RUBCN: variants seen among roughly 807,000 people sequenced by gnomAD.
The protein encoded by RUBCN is run domain Beclin-1-interacting and cysteine-rich domain-containing protein.
A neutral mutation model predicts 113.2 loss-of-function variants in RUBCN; 74 were observed. The observed-to-expected ratio is 0.65, with a 90% CI of 0.54 to 0.79. The LOEUF (loss-of-function observed/expected upper bound fraction) is 0.79, where lower values mean the gene tolerates loss of function less well. RUBCN is among the 30% of genes least tolerant of loss of function. The pLI is 0.00. For synonymous variants in RUBCN, 480 were observed against 490.0 expected (o/e 0.98, Z 0.27); for missense variants, 1,109 against 1,251.7 (o/e 0.89, Z 1.72).
chr3:197,686,436 G>C (rs1721850143), intron 11 of RUBCN, among the ~76,000 whole-genome samples: 1 of 152,222 alleles, frequency 6.6e-6, no homozygotes, highest in Non-Finnish European at 1.5e-5. Context: ...GCAAGGCTCT[G>C]ACCCCGGACT....
At chr3:197,702,738 T>C (rs1005496341) in intron 5 of RUBCN, among the ~76,000 whole-genome samples, 4 of 152,120 alleles carry the variant, frequency 2.6e-5, no homozygotes, top group African/African-American at 9.7e-5. Context: ...CTCTAAGAAG[T>C]GGGGACTCTG....
rs768108966 is a variant in RUBCN, at chr3:197,705,143, G to A, written c.252C>T (p.Phe84=). ...ACRRQTDYWQ[F]VKDIRWLSPH... is the part of the protein sequence containing the mutation. The stretch of plus-strand genomic sequence containing the variant: ...GACTGAGCCACCGGATGTCTTTCAC[G>A]AACTGCCAGTAATCCGTCTGGCGGC... The change falls in exon 3 of 20, where the codon TTC becomes TTT. Residue 84 remains phenylalanine (F), a synonymous_variant. Coordinates refer to ENST00000296343, the MANE Select transcript of RUBCN (RefSeq NM_014687.4). 3.7e-6 allele frequency: 6 copies of A among 1,613,974 alleles called. No homozygotes were observed. The highest frequency in any genetic ancestry group is 2.2e-5 in the East Asian group (1 of 44,892).
At chr3:197,708,494 G>C (rs141707436) in intron 2 of RUBCN, among the ~76,000 whole-genome samples, 23 of 135,184 alleles carry the variant, frequency 1.7e-4, no homozygotes, top group African/African-American at 5.7e-4. Context: ...GGGTACACTT[G>C]TAATATATAC....
chr3:197,703,397 CAAAAAAAAAAAAAAAAAAAAA>C (rs1165064210), intron 5 of RUBCN, 130 bp downstream of exon 5: 2,471 of 155,882 alleles, frequency 0.016, 48 homozygotes, highest in Middle Eastern at 0.031. Flanking sequence ...GACTCTGTCT[CAAAAAAAAAAAAAAAAAAAAA>C]AAAAAAAAAA....
At chr3:197,738,807 G>C (rs1048606364), upstream of RUBCN, among the ~76,000 whole-genome samples, 2 of 151,714 alleles carry the variant, frequency 1.3e-5, no homozygotes, top group Non-Finnish European at 2.9e-5. Context: ...GCCTAAGCTG[G>C]TCTCAAATTC....
chr3:197,749,271 C>T (rs1347738377), exon 1 of RUBCN: 10 of 1,059,230 alleles, frequency 9.4e-6, no homozygotes. Context: ...GTACTTACCC[C>T]TCCCGAGGGA....
chr3:197,732,506 G>A lies in RUBCN; in HGVS notation c.65+4149C>T, dbSNP rs939231536. On this transcript the variant is annotated intron_variant, in intron 1 of 19. Coordinates refer to ENST00000296343, the MANE Select transcript of RUBCN (RefSeq NM_014687.4). ...TTTTTTGTATTTTTAGTAGAGACGG[G>A]GTTTCACTGTGTTAGCCAGGATGGT... is the stretch of plus-strand genomic sequence containing the variant. Among the ~76,000 whole-genome samples, 8 of 152,280 alleles carry A rather than the reference G, an allele frequency of 5.3e-5. No homozygotes were observed. The South Asian group carries it at 1.4e-3, about 28-fold the overall frequency.
chr3:197,747,033 C>G (rs1728776039), intron 1 of RUBCN, among the ~76,000 whole-genome samples: 1 of 152,044 alleles, frequency 6.6e-6, no homozygotes, highest in Admixed American at 6.5e-5. Flanking sequence ...GCAGGGTTGA[C>G]CTTTTAACCC....
At chr3:197,739,811 G>A (rs561533581), upstream of RUBCN, among the ~76,000 whole-genome samples, 3 of 152,330 alleles carry the variant, frequency 2.0e-5, no homozygotes, top group African/African-American at 7.2e-5. Flanking sequence ...CCAGGCAGGC[G>A]GGTCACTTGA....
rs568325945 is a variant in RUBCN, at chr3:197,725,142, G to C, written c.66-7012C>G. ...AAGGGCTTCGAAGTTGGAAGACTGT[G>C]GTCAGGCAAGTGTCCCTGGGACTTT... On this transcript the variant is annotated intron_variant, in intron 1 of 19. Coordinates refer to ENST00000296343, the MANE Select transcript of RUBCN (RefSeq NM_014687.4). 5.3e-5 allele frequency among the ~76,000 whole-genome samples: 8 copies of C among 152,254 alleles called. No individual in the cohort carries two copies. The South Asian group carries it at 1.5e-3, about 28-fold the overall frequency.
chr3:197,728,528 G>A (rs1197255020), intron 1 of RUBCN, among the ~76,000 whole-genome samples: 2 of 152,172 alleles, frequency 1.3e-5, no homozygotes, highest in Non-Finnish European at 2.9e-5. Flanking sequence ...GGAGAAATGC[G>A]AAGAAAGTGG....
At chr3:197,724,367 C>T (rs188609149) in intron 1 of RUBCN, among the ~76,000 whole-genome samples, 17,246 of 152,094 alleles carry the variant, frequency 0.11, 1,188 homozygotes, top group African/African-American at 0.19. Context: ...TCACTAAAAA[C>T]ATGACATGTG....
intron 16 of RUBCN, among the ~76,000 whole-genome samples, chr3:197,680,210 G>C (rs868824642): frequency 7.3e-6 from 1 of 136,196 alleles, no homozygotes; most frequent in Non-Finnish European, 1.6e-5. Context: ...ACTGACAACT[G>C]GCTCCAGACT....
At chr3:197,676,423 C>T (rs1168196664) in intron 18 of RUBCN, 2 of 704,196 alleles carry the variant, frequency 2.8e-6, no homozygotes, top group African/African-American at 3.9e-5. Context: ...AAGCAATTCT[C>T]CTGCCTCAGC....
chr3:197,738,714 T>A, upstream of RUBCN, among the ~76,000 whole-genome samples: 1 of 151,872 alleles, frequency 6.6e-6, no homozygotes, highest in Non-Finnish European at 1.5e-5. Context: ...CCCAAGTAGC[T>A]GGGACCACAG....
rs1469203102 is a variant in RUBCN at position 197,679,347 on chromosome 3, G to A, written c.2430+1782C>T. On this transcript the variant is annotated intron_variant, in intron 16 of 19. Coordinates refer to ENST00000296343, the MANE Select transcript of RUBCN (RefSeq NM_014687.4). ...GACAACTGGCTTCAGCCTGTCCTAC[G>A]CTCTGACTGACAACTGGCTTTAGAC... Among the ~76,000 whole-genome samples the A allele has an allele frequency of 2.8e-5, 4 of 143,996 alleles. No individual in the cohort carries two copies. The East Asian group carries it at 6.4e-4, about 23-fold the overall frequency. 94.5% of individuals were successfully genotyped at this position (143,996 alleles called of 152,430 possible).
Position 197,671,177 on chromosome 3 carries a change from G to A in RUBCN, c.*3841C>T, listed in dbSNP as rs1719755567. Among the ~76,000 whole-genome samples the A allele has an allele frequency of 6.6e-6, 1 of 152,116 alleles. No individual in the cohort carries two copies. Among genetic ancestry groups the A allele is most frequent in the Admixed American group, 6.6e-5 (1 of 15,264 alleles). On this transcript the variant is annotated 3_prime_UTR_variant, in exon 20 of 20. Transcript: ENST00000296343. ...TTACAAGCACATGCCACCATGCCTG[G>A]CTAATTTTTATATTTTTGTAGAGAT...
chr3:197,749,375 C>G, exon 1 of RUBCN: 1 of 1,176,144 alleles, frequency 8.5e-7, no homozygotes, highest in South Asian at 1.6e-5. Flanking sequence ...TTAGCATTTA[C>G]TTTGGAGTTA....
chr3:197,743,399 GCA>G (rs1413678886), intron 1 of RUBCN, among the ~76,000 whole-genome samples: 1 of 152,192 alleles, frequency 6.6e-6, no homozygotes, highest in Non-Finnish European at 1.5e-5. Flanking sequence ...CCAGCCTCTA[GCA>G]CAGTGTCTTG....
Sources: allele counts gnomAD v4.1 joint callset (sites outside exome capture counted in the v4.1 genomes callset), GRCh38; gene constraint gnomAD v4.1.1; transcripts MANE v1.5; gene names NCBI Gene and HGNC (gene_info 2026-07-23, HGNC 2026-07-21).